SVEP1: variants seen among roughly 807,000 people sequenced by gnomAD.
SVEP1 encodes the protein sushi, von Willebrand factor type A, EGF and pentraxin domain-containing protein 1.
SVEP1 carries 164 observed loss-of-function variants against 367.3 expected under a neutral mutation model. That is an observed-to-expected ratio of 0.45 (90% CI 0.39 to 0.51). The LOEUF (loss-of-function observed/expected upper bound fraction) is 0.51, where lower values mean the gene tolerates loss of function less well. SVEP1 is among the 20% of genes least tolerant of loss of function. SVEP1 has a pLI of 0.00. For synonymous variants in SVEP1, 1,666 were observed against 1,611.6 expected, an observed-to-expected ratio of 1.03 and a Z score of -0.81; for missense variants, 4,117 against 4,425.3, an observed-to-expected ratio of 0.93 and a Z score of 1.98.
chr9:110,409,542 G>A (rs969814725), intron 37 of SVEP1, among the ~76,000 whole-genome samples: 1 of 152,154 alleles, frequency 6.6e-6, no homozygotes, highest in Non-Finnish European at 1.5e-5. Context: ...ATATTGATTG[G>A]TGAACTGATG....
At position 110,443,552 on chromosome 9, in the gene SVEP1, G is replaced by A. The variant is rs1199048760; in HGVS notation, c.4632C>T (p.Pro1544=). The change falls in exon 27 of 48, where the codon CCC becomes CCT. Residue 1544 remains proline (P), a synonymous_variant. Transcript: ENST00000374469. ...CATTTTGTTAAAACATACCAGGTATGGGCAAACCAACAGAGAGGCCAGCAC... is the reference window on the plus strand; with the variant it reads ...CATTTTGTTAAAACATACCAGGTATAGGCAAACCAACAGAGAGGCCAGCAC... The part of the protein sequence containing the change: ...DGGAGLSVGL[P]IPGGGALVLG... The A allele has an allele frequency of 5.0e-6, 8 of 1,605,754 alleles. No homozygotes were observed. The highest frequency in any genetic ancestry group is 1.3e-5 in the African/African-American group (1 of 74,584).
chr9:110,388,222 G>A (rs1827555863), intron 41 of SVEP1, among the ~76,000 whole-genome samples: 1 of 152,102 alleles, frequency 6.6e-6, no homozygotes, highest in South Asian at 2.1e-4. Context: ...TGGCTTTTGA[G>A]GAATATGCTG....
chr9:110,451,428 C>G (rs769277976), intron 22 of SVEP1, 26 bp from the exon 23 acceptor site: 4 of 1,584,246 alleles, frequency 2.5e-6, no homozygotes, highest in Non-Finnish European at 3.5e-6. Flanking sequence ...CATCTTTGAG[C>G]TGGAGAAAAC....
intron 3 of SVEP1, among the ~76,000 whole-genome samples, chr9:110,545,428 T>G (rs1485422973): frequency 6.6e-6 from 1 of 152,222 alleles, no homozygotes; most frequent in Non-Finnish European, 1.5e-5. Flanking sequence ...TGCCATCATT[T>G]GTAATTTTTT....
At chr9:110,443,348 CAG>C (rs1315644964) in intron 27 of SVEP1, 195 bp downstream of exon 27, 1 of 453,560 alleles carries the variant, frequency 2.2e-6, no homozygotes, top group Non-Finnish European at 3.7e-6. Flanking sequence ...ATTTCTCACA[CAG>C]AGAGGCAAAC....
chr9:110,540,498 G>C (rs1291374445), intron 3 of SVEP1, among the ~76,000 whole-genome samples: 2 of 151,938 alleles, frequency 1.3e-5, no homozygotes, highest in African/African-American at 4.8e-5. Flanking sequence ...AACATTGATT[G>C]ATTTACCACA....
intron 43 of SVEP1, among the ~76,000 whole-genome samples, chr9:110,381,547 T>C (rs1327009465): frequency 6.6e-6 from 1 of 152,232 alleles, no homozygotes; most frequent in African/African-American, 2.4e-5. Flanking sequence ...TGAGCTGTGG[T>C]CTGAGAGAAT....
intron 25 of SVEP1, 118 bp downstream of exon 25, chr9:110,446,782 A>G (rs1247842884): frequency 7.2e-6 from 6 of 830,810 alleles, no homozygotes; most frequent in Non-Finnish European, 1.0e-5. Context: ...AAATGAGTAC[A>G]AAGTGCTTGG....
At chr9:110,478,690 TA>T (rs1417466123) in intron 13 of SVEP1, among the ~76,000 whole-genome samples, 1 of 152,232 alleles carries the variant, frequency 6.6e-6, no homozygotes, top group East Asian at 1.9e-4. Flanking sequence ...AATTTGGTTT[TA>T]TTGAATAGAT....
chr9:110,517,206 T>C lies in SVEP1; in HGVS notation c.965-3100A>G, dbSNP rs527780833. ...CAGGCATGGTGGCTCACGGCTGTAATTCTAGCACTTTGGGAGGCTGAGGCA... is the reference window on the plus strand; with the variant it reads ...CAGGCATGGTGGCTCACGGCTGTAACTCTAGCACTTTGGGAGGCTGAGGCA... On this transcript the variant is annotated intron_variant, in intron 3 of 47. Coordinates refer to ENST00000374469, the MANE Select transcript of SVEP1 (RefSeq NM_153366.4). 8.5e-4 allele frequency among the ~76,000 whole-genome samples: 130 copies of C among 152,254 alleles called. 1 individual carries two copies. The highest frequency in any genetic ancestry group is 4.9e-3 in the Admixed American group (75 of 15,286).
rs1326764630 is a variant in SVEP1, at chr9:110,482,451, G to A, written c.2080C>T (p.Leu694Phe). The A allele has an allele frequency of 6.3e-7, 1 of 1,594,558 alleles. No individual in the cohort carries two copies. Among genetic ancestry groups the A allele is most frequent in the African/African-American group, 1.3e-5 (1 of 74,748 alleles). ...VITRSHTQGDLFPQGETIVQY... is the reference protein window; with the variant it reads ...VITRSHTQGDFFPQGETIVQY... ...ACTATAGTCTCCCCTTGAGGGAAAA[G>A]GTCTCCTTGTGTATGACTTCTGGTA... is the stretch of plus-strand genomic sequence containing the variant. Residue 694 changes from leucine (L) to phenylalanine (F), a missense_variant, in exon 11 of 48, where the codon CTT becomes TTT. Coordinates refer to ENST00000374469, the MANE Select transcript of SVEP1 (RefSeq NM_153366.4).
chr9:110,579,029 G>A lies in SVEP1; in HGVS notation c.515C>T (p.Ala172Val). The change falls in exon 1 of 48, where the codon GCC becomes GTC. Residue 172 changes from alanine (A) to valine (V), a missense_variant. Coordinates refer to ENST00000374469, the MANE Select transcript of SVEP1 (RefSeq NM_153366.4). This position sits in a 1 kb window ranked among gnomAD's most constrained non-coding sequence, Gnocchi z 5.3. The part of the protein sequence containing the change: ...YRGGGTYTKG[A>V]FQQAAQILLH... The stretch of plus-strand genomic sequence containing the variant: ...GCGCCTTACCGCGGCTTGCTGGAAG[G>A]CGCCCTTGGTGTAGGTGCCGCCACC... 1 of 1,548,220 alleles carries A rather than the reference G, an allele frequency of 6.5e-7. No homozygotes were observed. Among genetic ancestry groups the A allele is most frequent in the Non-Finnish European group, 8.7e-7 (1 of 1,146,674 alleles).
chr9:110,460,485 G>A (rs886281921), intron 18 of SVEP1, among the ~76,000 whole-genome samples: 2 of 152,144 alleles, frequency 1.3e-5, no homozygotes, highest in African/African-American at 4.8e-5. Context: ...GGGTATGGTG[G>A]CTCATGCCTG....
In SVEP1 at chr9:110,408,960, C is replaced by T. The variant is rs1273758181; in HGVS notation, c.6649-9G>A. The T allele has an allele frequency of 6.4e-7, 1 of 1,550,868 alleles. No homozygotes were observed. Among genetic ancestry groups the T allele is most frequent in the Non-Finnish European group, 8.7e-7 (1 of 1,151,518 alleles). The stretch of plus-strand genomic sequence containing the variant: ...ATCCTGCCAGTTGTATGCTGTGCAA[C>T]AGGAAGAAAGCAAGTGAGTGCGATT... On this transcript the variant is annotated splice_polypyrimidine_tract_variant and intron_variant, in intron 37 of 47. Transcript: ENST00000374469.
intron 4 of SVEP1, 83 bp from the exon 5 acceptor site, chr9:110,513,188 G>A: frequency 1.6e-6 from 2 of 1,260,462 alleles, no homozygotes; most frequent in African/African-American, 1.5e-5. Flanking sequence ...TTTCAAGGGG[G>A]CATTTATGCA....
chr9:110,436,497 A>T lies in SVEP1; in HGVS notation c.4647T>A (p.Gly1549=). The change falls in exon 28 of 48, where the codon GGT becomes GGA. Residue 1549 remains glycine (G), a synonymous_variant. Coordinates refer to ENST00000374469, the MANE Select transcript of SVEP1 (RefSeq NM_153366.4). ...CTTGCTCTTGCCCCAGAACTAACGC[A>T]CCACCACCTAAGGAGAGAGAAAGAG... ...LSVGLPIPGG[G]ALVLGQEQDK... 1 of 1,613,602 alleles carries T rather than the reference A, an allele frequency of 6.2e-7. No homozygotes were observed. Among genetic ancestry groups the T allele is most frequent in the South Asian group, 1.1e-5 (1 of 91,052 alleles).
chr9:110,391,271 C>CTTT (rs35309188), intron 40 of SVEP1, among the ~76,000 whole-genome samples: 5 of 125,238 alleles, frequency 4.0e-5, no homozygotes, highest in Admixed American at 3.2e-4. Context: ...TACTTTTTGT[C>CTTT]TTTTTTTTTT....
chr9:110,379,226 A>G (rs1827397847), intron 44 of SVEP1, 121 bp downstream of exon 44: 1 of 1,137,712 alleles, frequency 8.8e-7, no homozygotes, highest in Admixed American at 3.0e-5. Flanking sequence ...CAGCTGCTAA[A>G]AGAAATTTTA....
intron 8 of SVEP1, among the ~76,000 whole-genome samples, chr9:110,494,138 A>G (rs1164833775): frequency 2.0e-5 from 3 of 152,218 alleles, no homozygotes; most frequent in Non-Finnish European, 4.4e-5. Flanking sequence ...TCACATCTAC[A>G]AAGTTCCTTT....
Sources: allele counts gnomAD v4.1 joint callset (sites outside exome capture counted in the v4.1 genomes callset), GRCh38; gene constraint gnomAD v4.1.1; non-coding constraint Gnocchi (gnomAD v3.1); transcripts MANE v1.5; gene names NCBI Gene and HGNC (gene_info 2026-07-23, HGNC 2026-07-21).